Variants in TCIRG1 observed in about 807,000 individuals in gnomAD.
TCIRG1 encodes V-type proton ATPase 116 kDa subunit a 3.
TCIRG1 carries 86 observed loss-of-function variants against 95.5 expected under a neutral mutation model. The observed-to-expected ratio is 0.90, with a 90% CI of 0.76 to 1.08. TCIRG1 has a LOEUF of 1.08. Among genes scored for constraint, TCIRG1 ranks in the 50% least tolerant of loss-of-function variants. TCIRG1 has a pLI of 0.00. For missense variants in TCIRG1, 1,069 were observed against 1,140.2 expected (o/e 0.94, Z 0.90); for synonymous variants, 499 against 501.3 (o/e 1.00, Z 0.06).
chr11:68,051,012 A>C (rs191254028), downstream of TCIRG1: 9 of 652,888 alleles, frequency 1.4e-5, no homozygotes, highest in East Asian at 2.8e-5. Context: ...ATCTGCAATA[A>C]TGTCAGACTC....
At chr11:68,042,586 G>T in intron 3 of TCIRG1, 57 bp from the exon 4 acceptor site, 1 of 1,396,206 alleles carries the variant, frequency 7.2e-7, no homozygotes, top group Non-Finnish European at 9.9e-7. Context: ...AGCAGGTGGG[G>T]CCCTCAACTG....
chr11:68,041,418 G>A (rs1297399505), intron 2 of TCIRG1, 30 bp downstream of exon 2: 1 of 1,506,450 alleles, frequency 6.6e-7, no homozygotes, highest in Non-Finnish European at 9.2e-7. Context: ...GTGGGAAGGG[G>A]GCTACTGCCA....
In TCIRG1 at chr11:68,043,837, T is replaced by C; in HGVS notation, c.737T>C (p.Phe246Ser). Reference sequence around the variant, plus strand: ...AGCTTCCACTGCCACGTCTTCCCGTTTCTGCAGCAGGAGGAGGCCCGCCTC... The same window carrying C: ...AGCTTCCACTGCCACGTCTTCCCGTCTCTGCAGCAGGAGGAGGCCCGCCTC... The part of the protein sequence containing the change: ...TDCFHCHVFP[F>S]LQQEEARLGA... The change falls in exon 8 of 20, where the codon TTT becomes TCT. Residue 246 changes from phenylalanine to serine, a missense_variant. Physicochemically the swap from Phe to Ser is radical, Grantham distance 155 (BLOSUM62 -2). Coordinates refer to ENST00000265686, the MANE Select transcript of TCIRG1 (RefSeq NM_006019.4). 1 of 1,563,046 alleles carries C rather than the reference T, an allele frequency of 6.4e-7. No individual in the cohort carries two copies. The highest frequency in any genetic ancestry group is 8.7e-7 in the Non-Finnish European group (1 of 1,155,066).
rs2134464529 is a variant in TCIRG1, at chr11:68,050,166, G to A, written c.2148G>A (p.Gln716=). ...ELVPSEVLMH[Q]AIHTIEFCLG... ...TCCCCTCCGAGGTGCTCATGCACCA[G>A]GCCATCCACACCATCGAGTTCTGCC... Residue 716 remains glutamine (Q), a synonymous_variant, in exon 18 of 20, where the codon CAG becomes CAA. Transcript: ENST00000265686. 1 of 1,613,542 alleles carries A rather than the reference G, an allele frequency of 6.2e-7. No homozygotes were observed. Among genetic ancestry groups the A allele is most frequent in the Non-Finnish European group, 8.5e-7 (1 of 1,179,918 alleles).
rs1167628217 is a variant in TCIRG1 at position 68,050,058 on chromosome 11, G to C, written c.2110G>C (p.Glu704Gln). The C allele has an allele frequency of 2.5e-6, 4 of 1,613,328 alleles. No individual in the cohort carries two copies. The highest frequency in any genetic ancestry group is 2.7e-5 in the African/African-American group (2 of 75,048). The change falls in exon 17 of 20, where the codon GAG (glutamate) becomes CAG (glutamine). Residue 704 changes from glutamate (E) to glutamine (Q), a missense_variant. Glu to Gln is a conservative substitution (Grantham distance 29). Coordinates refer to ENST00000265686, the MANE Select transcript of TCIRG1 (RefSeq NM_006019.4). ...GGCAGGGGGCCTGGATGATGAAGAG[G>C]AGGCCGAGGTGGGTGCAGTGCCTTC... ...EKAGGLDDEE[E>Q]AELVPSEVLM... is the part of the protein sequence containing the mutation.
Position 68,048,908 on chromosome 11 carries a change from C to A in TCIRG1, c.1584C>A (p.Ser528Arg). The change falls in exon 14 of 20, where the codon AGC (serine) becomes AGA (arginine). Residue 528 changes from serine to arginine, a missense_variant. Ser to Arg is a moderately radical substitution (Grantham distance 110). Transcript: ENST00000265686. ...PIWSLAANHL[S>R]FLNSFKMKMS... ...GGAGCCTGGCTGCCAACCACTTGAG[C>A]TTCCTCAACTCCTTCAAGATGAAGA... 6.2e-7 allele frequency: 1 copy of A among 1,613,018 alleles called. No homozygotes were observed. Among genetic ancestry groups the A allele is most frequent in the Non-Finnish European group, 8.5e-7 (1 of 1,180,014 alleles).
In TCIRG1 at chr11:68,048,874, C is replaced by G; in HGVS notation, c.1555-5C>G. 6.2e-7 allele frequency: 1 copy of G among 1,606,174 alleles called. No individual in the cohort carries two copies. The highest frequency in any genetic ancestry group is 8.5e-7 in the Non-Finnish European group (1 of 1,176,702). ...GAGTCCAGCCCACCCCTGCTGCCAC[C>G]CTAGATTTGGAGCCTGGCTGCCAAC... is the stretch of plus-strand genomic sequence containing the variant. On this transcript the variant is annotated splice_polypyrimidine_tract_variant and splice_region_variant and intron_variant, in intron 13 of 19. Coordinates refer to ENST00000265686, the MANE Select transcript of TCIRG1 (RefSeq NM_006019.4).
intron 15 of TCIRG1, 123 bp from the exon 16 acceptor site, chr11:68,049,540 C>A: frequency 7.4e-7 from 1 of 1,358,512 alleles, no homozygotes; most frequent in Non-Finnish European, 1.0e-6. Flanking sequence ...GGGCACGGAG[C>A]CCCCGGGGGC....
Position 68,050,067 on chromosome 11 carries a change from G to A in TCIRG1, c.2118+1G>A. 1.9e-6 allele frequency: 3 copies of A among 1,613,120 alleles called. No individual in the cohort carries two copies. Among genetic ancestry groups the A allele is most frequent in the Non-Finnish European group, 2.5e-6 (3 of 1,179,834 alleles). On this transcript the variant is annotated splice_donor_variant, in intron 17 of 19. Transcript: ENST00000265686. LOFTEE classifies it high-confidence loss of function. ...CCTGGATGATGAAGAGGAGGCCGAG[G>A]TGGGTGCAGTGCCTTCCTGGGGGTG...
chr11:68,044,737 G>A (rs1170033492), intron 9 of TCIRG1: 4 of 635,326 alleles, frequency 6.3e-6, no homozygotes, highest in African/African-American at 1.8e-5. Context: ...GTCCCTAGGA[G>A]GCAGCATGCT....
At chr11:68,046,259 C>T (rs1489816597) in intron 10 of TCIRG1, among the ~76,000 whole-genome samples, 1 of 152,172 alleles carries the variant, frequency 6.6e-6, no homozygotes. Flanking sequence ...GTGATCTCAG[C>T]ACTTTGGGAG....
Position 68,043,633 on chromosome 11 carries a change from G to A in TCIRG1, c.693G>A (p.Lys231=). ...ACTGGGGTGAGCAGATCGGACAGAAGATCCGCAAGATCACGGACTGGTGAG... is the reference window on the plus strand; with the variant it reads ...ACTGGGGTGAGCAGATCGGACAGAAAATCCGCAAGATCACGGACTGGTGAG... The part of the protein sequence containing the change: ...ISYWGEQIGQ[K]IRKITDCFHC... Residue 231 remains lysine, a synonymous_variant, in exon 7 of 20, where the codon AAG becomes AAA. Coordinates refer to ENST00000265686, the MANE Select transcript of TCIRG1 (RefSeq NM_006019.4). 6.2e-7 allele frequency: 1 copy of A among 1,610,398 alleles called. No individual in the cohort carries two copies. The highest frequency in any genetic ancestry group is 8.5e-7 in the Non-Finnish European group (1 of 1,178,790).
chr11:68,041,118 A>G, intron 1 of TCIRG1, 150 bp from the exon 2 acceptor site: 1 of 701,656 alleles, frequency 1.4e-6, no homozygotes, highest in Non-Finnish European at 2.6e-6. Context: ...GCACCGCATC[A>G]AGCCTGCCCA....
At position 68,042,673 on chromosome 11, in the gene TCIRG1, G is replaced by C. The variant is rs1855227422; in HGVS notation, c.227G>C (p.Gly76Ala). ...CTGCAGGAGGAGGTGCGGCGGGCTG[G>C]GCTGGTCCTGCCCCCGCCAAAGGGG... ...TFLQEEVRRAGLVLPPPKGRL... is the reference protein window; with the variant it reads ...TFLQEEVRRAALVLPPPKGRL... Residue 76 changes from glycine (G) to alanine (A), a missense_variant, in exon 4 of 20, where the codon GGG becomes GCG. Gly to Ala is a moderately conservative substitution (Grantham distance 60). Coordinates refer to ENST00000265686, the MANE Select transcript of TCIRG1 (RefSeq NM_006019.4). The C allele has an allele frequency of 6.5e-7, 1 of 1,547,098 alleles. No individual in the cohort carries two copies. Among genetic ancestry groups the C allele is most frequent in the Non-Finnish European group, 8.7e-7 (1 of 1,146,374 alleles).
chr11:68,041,839 G>A lies in TCIRG1; in HGVS notation c.196+8G>A, dbSNP rs375770246. The stretch of plus-strand genomic sequence containing the variant: ...AGCTGGAGAAGACCTTCAGTGAGTT[G>A]GTCCCAGGCCTACATTCCAGGCAGG... On this transcript the variant is annotated splice_region_variant and intron_variant, in intron 3 of 19. Transcript: ENST00000265686. The A allele has an allele frequency of 3.7e-6, 6 of 1,602,204 alleles. No individual in the cohort carries two copies. The African/African-American group carries it at 8.0e-5, about 21-fold the overall frequency.
At chr11:68,043,678 C>T in intron 7 of TCIRG1, 25 bp downstream of exon 7, 2 of 1,582,418 alleles carry the variant, frequency 1.3e-6, no homozygotes, top group South Asian at 1.1e-5. Flanking sequence ...ACACCCGCCC[C>T]ACCGCCCTGC....
In TCIRG1 at chr11:68,044,999, C is replaced by T. The variant is rs760534151; in HGVS notation, c.1062C>T (p.Cys354=). 2 of 1,608,742 alleles carry T rather than the reference C, an allele frequency of 1.2e-6. 1 individual carries two copies. The highest frequency in any genetic ancestry group is 2.2e-5 in the South Asian group (2 of 91,086). Residue 354 remains cysteine, a synonymous_variant, in exon 10 of 20, where the codon TGC becomes TGT. Coordinates refer to ENST00000265686, the MANE Select transcript of TCIRG1 (RefSeq NM_006019.4). The stretch of plus-strand genomic sequence containing the variant: ...GTGCCGTGGCTCACCGCATCCCCTG[C>T]CGGGACATGCCCCCCACACTCATCC... ...GVSAVAHRIP[C]RDMPPTLIRT...
chr11:68,042,496 C>G, intron 3 of TCIRG1, 147 bp from the exon 4 acceptor site: 1 of 677,330 alleles, frequency 1.5e-6, no homozygotes, highest in Non-Finnish European at 2.6e-6. Flanking sequence ...AGCACAGCTT[C>G]TGGATGAAAG....
chr11:68,045,497 T>C (rs2134446716), intron 10 of TCIRG1, among the ~76,000 whole-genome samples: 1 of 152,040 alleles, frequency 6.6e-6, no homozygotes, highest in Middle Eastern at 3.5e-3. Flanking sequence ...TTAGTGACTG[T>C]TGGAGACTGC....
Sources: allele counts gnomAD v4.1 joint callset (sites outside exome capture counted in the v4.1 genomes callset), GRCh38; gene constraint gnomAD v4.1.1; transcripts MANE v1.5; gene names NCBI Gene and HGNC (gene_info 2026-07-23, HGNC 2026-07-21).